The following CDKL5 variants were observed in gnomAD, a reference collection of about 807,000 sequenced individuals.
CDKL5 encodes cyclin dependent kinase like 5.
In CDKL5, 8 loss-of-function variants were observed where a neutral mutation model predicts 61.7. The observed-to-expected ratio is 0.13, with a 90% CI of 0.08 to 0.23. The LOEUF is 0.23. CDKL5 is among the 10% of genes least tolerant of loss of function. The pLI is 1.00. For synonymous variants in CDKL5, 275 were observed against 272.3 expected (o/e 1.01, Z -0.10); for missense variants, 440 against 734.5 (o/e 0.60, Z 4.63).
intron 20 of CDKL5, chrX:18,647,646 T>G (rs2147194584): frequency 3.3e-6 from 1 of 299,041 alleles, no homozygotes; most frequent in South Asian, 5.0e-5. Flanking sequence ...CTCCACCAAC[T>G]TAGAGATCTA....
Position 18,632,807 on chromosome X carries a change from C to T in CDKL5, c.*4050C>T. On this transcript the variant is annotated 3_prime_UTR_variant, in exon 18 of 18. Transcript: ENST00000623535. Reference sequence around the variant, plus strand: ...ATACTAGGAAATGCTATCCCATTTTCCCTTTCCAGCCCCTCTTAGTTAAGA... The same window carrying T: ...ATACTAGGAAATGCTATCCCATTTTTCCTTTCCAGCCCCTCTTAGTTAAGA... The T allele has an allele frequency of 1.3e-6, 1 of 751,773 alleles. No homozygotes were observed. Among genetic ancestry groups the T allele is most frequent in the Non-Finnish European group, 1.6e-6 (1 of 636,886 alleles). 62.0% of individuals were successfully genotyped at this position (751,773 alleles called of 1,213,427 possible).
At chrX:18,569,588 C>T (rs1925074663) in intron 4 of CDKL5, among the ~76,000 whole-genome samples, 1 of 112,328 alleles carries the variant, frequency 8.9e-6, no homozygotes, top group Non-Finnish European at 1.9e-5. Context: ...GTACAAGTGT[C>T]TGCTGTCCTC....
chrX:18,570,363 A>T (rs752845554), intron 4 of CDKL5, among the ~76,000 whole-genome samples: 1 of 111,857 alleles, frequency 8.9e-6, no homozygotes, highest in Admixed American at 9.5e-5. Context: ...ATCTTCTGTG[A>T]TTTAATAAAT....
intron 1 of CDKL5, among the ~76,000 whole-genome samples, chrX:18,469,401 C>T (rs1339583223): frequency 9.8e-6 from 1 of 101,605 alleles, no homozygotes; most frequent in African/African-American, 3.7e-5. Context: ...GTAATCCCAG[C>T]ACTTTGGGAG....
At chrX:18,609,637 T>A (rs767911518) in intron 14 of CDKL5, 67 bp downstream of exon 14, 63 of 1,189,794 alleles carry the variant, frequency 5.3e-5, no homozygotes, top group Non-Finnish European at 6.4e-5. Flanking sequence ...TGCACACTGC[T>A]TTCACCGACT....
In CDKL5 at chrX:18,646,096, GTC is replaced by G. The variant is rs1555957573; in HGVS notation, c.2797+8_2797+9del. 5 of 1,211,821 alleles carry G rather than the reference GTC, an allele frequency of 4.1e-6. No individual in the cohort carries two copies. Among genetic ancestry groups the G allele is most frequent in the East Asian group, 3.0e-5 (1 of 33,832 alleles). On this transcript the variant is annotated splice_region_variant and intron_variant, in intron 20 of 21. Coordinates refer to the CDKL5 transcript ENST00000379989. Reference sequence around the variant, plus strand: ...AAGGACGACAGAACAACAAGGTAGAGTCTGGGCCCCGCATGCCATCAAGCTGC... The same window carrying G: ...AAGGACGACAGAACAACAAGGTAGAGTGGGCCCCGCATGCCATCAAGCTGC...
chrX:18,468,375 C>T (rs1458163412), intron 1 of CDKL5, among the ~76,000 whole-genome samples: 1 of 112,142 alleles, frequency 8.9e-6, no homozygotes. Flanking sequence ...AGCCACATAA[C>T]GTGCTATTTC....
intron 1 of CDKL5, among the ~76,000 whole-genome samples, chrX:18,430,813 T>C (rs1193633096): frequency 9.0e-6 from 1 of 111,500 alleles, no homozygotes; most frequent in African/African-American, 3.3e-5. Flanking sequence ...CTTTCTGCTA[T>C]TTAAAGCTTC....
rs1369773205 is a variant in CDKL5 at position 18,476,870 on chromosome X, G to A, written c.-162-30065G>A. ...CAACCTCTGCCTCCCGGGTTCAAGC[G>A]ATTCTCCTGCTGCCCCAGCCTCCTG... On this transcript the variant is annotated intron_variant, in intron 1 of 17. Coordinates refer to ENST00000623535, the MANE Select transcript of CDKL5 (RefSeq NM_001323289.2). Among the ~76,000 whole-genome samples, 5 of 111,385 alleles carry A rather than the reference G, an allele frequency of 4.5e-5. No homozygotes were observed. The Admixed American group carries it at 4.8e-4, about 11-fold the overall frequency.
chrX:18,603,714 C>T (rs1477040487), intron 11 of CDKL5, among the ~76,000 whole-genome samples, 188 bp from the exon 12 acceptor site: 1 of 112,371 alleles, frequency 8.9e-6, no homozygotes, highest in African/African-American at 3.2e-5. Context: ...TGCTTTGTTA[C>T]AGAGTGAGTT....
intron 15 of CDKL5, among the ~76,000 whole-genome samples, chrX:18,613,521 A>C (rs958307210): frequency 8.9e-6 from 1 of 111,931 alleles, no homozygotes; most frequent in East Asian, 2.8e-4. Flanking sequence ...TACGCTTTCC[A>C]CTGTGTTGTT....
chrX:18,647,431 G>T, intron 20 of CDKL5: 1 of 936,825 alleles, frequency 1.1e-6, no homozygotes, highest in Non-Finnish European at 1.5e-6. Flanking sequence ...TTTGCGCTTC[G>T]GAGACGGAGA....
intron 12 of CDKL5, among the ~76,000 whole-genome samples, chrX:18,607,522 T>G (rs1169840093): frequency 8.9e-6 from 1 of 112,389 alleles, no homozygotes; most frequent in African/African-American, 3.2e-5. Flanking sequence ...GTGAACATGG[T>G]GGTCATAAAC....
chrX:18,639,088 T>A lies in CDKL5; in HGVS notation c.*10331T>A, dbSNP rs1021001881. On this transcript the variant is annotated 3_prime_UTR_variant, in exon 18 of 18. Transcript: ENST00000623535. ...GTAAGAGGTAGAACTATAAAACTCA[T>A]AGAAGAAAACATAGGGGTAAATCTT... 8.9e-6 allele frequency among the ~76,000 whole-genome samples: 1 copy of A among 111,928 alleles called. No individual in the cohort carries two copies. The highest frequency in any genetic ancestry group is 3.7e-4 in the South Asian group (1 of 2,698).
chrX:18,477,519 GT>G (rs1474698433), intron 1 of CDKL5, among the ~76,000 whole-genome samples: 1 of 111,710 alleles, frequency 9.0e-6, no homozygotes, highest in African/African-American at 3.2e-5. Context: ...TTGTTTTTCT[GT>G]TTCTCCTTTA....
chrX:18,555,084 A>G (rs776441915), intron 3 of CDKL5, among the ~76,000 whole-genome samples: 1 of 111,614 alleles, frequency 9.0e-6, no homozygotes, highest in South Asian at 3.8e-4. Context: ...GTTAAAATGA[A>G]TAAACTCGAG....
intron 15 of CDKL5, among the ~76,000 whole-genome samples, chrX:18,613,696 G>A (rs1046586074): frequency 9.0e-5 from 10 of 111,287 alleles, no homozygotes; most frequent in Non-Finnish European, 1.3e-4. Flanking sequence ...GAACTGGCCC[G>A]GTGTTGGACA....
chrX:18,505,198 C>T (rs1265742353), intron 1 of CDKL5, among the ~76,000 whole-genome samples: 4 of 111,536 alleles, frequency 3.6e-5, no homozygotes, highest in Non-Finnish European at 7.5e-5. Context: ...TTTGCTTTAT[C>T]ATTCTTTCTG....
chrX:18,549,509 T>A (rs954352501), intron 3 of CDKL5, among the ~76,000 whole-genome samples: 2 of 112,559 alleles, frequency 1.8e-5, no homozygotes, highest in Non-Finnish European at 3.8e-5. Flanking sequence ...ACTTTTGGAA[T>A]ACCTGATGAT....
Sources: allele counts gnomAD v4.1 joint callset (sites outside exome capture counted in the v4.1 genomes callset), GRCh38; gene constraint gnomAD v4.1.1; transcripts MANE v1.5; gene names NCBI Gene and HGNC (gene_info 2026-07-23, HGNC 2026-07-21).